Variants in EPHA6 observed in about 807,000 individuals in gnomAD.
EPHA6 encodes the protein EPH receptor A6, also known as ephrin type-A receptor 6.
In EPHA6, 50 loss-of-function variants were observed where a neutral mutation model predicts 112.0. That is an observed-to-expected ratio of 0.45 (90% CI 0.36 to 0.56). EPHA6 has a LOEUF of 0.56. Ranked by LOEUF, EPHA6 falls within the 20% of genes least tolerant of loss-of-function variation. EPHA6 has a pLI of 0.00. For synonymous variants in EPHA6, 529 were observed against 490.7 expected (o/e 1.08, Z -1.03); for missense variants, 1,280 against 1,417.4 (o/e 0.90, Z 1.56).
chr3:96,865,831 G>A (rs187154622), intron 1 of EPHA6, among the ~76,000 whole-genome samples: 33 of 152,012 alleles, frequency 2.2e-4, no homozygotes, highest in African/African-American at 8.0e-4. Flanking sequence ...AGGCCTAGGA[G>A]GTAGTAGTTA....
At chr3:96,943,526 G>A (rs560406500) in intron 2 of EPHA6, among the ~76,000 whole-genome samples, 22 of 152,140 alleles carry the variant, frequency 1.4e-4, no homozygotes, top group Non-Finnish European at 2.9e-4. Context: ...AAATGCACTG[G>A]GGTGATAGCT....
At chr3:97,588,674 G>A (rs545826528) in intron 11 of EPHA6, among the ~76,000 whole-genome samples, 1 of 152,110 alleles carries the variant, frequency 6.6e-6, no homozygotes, top group Admixed American at 6.5e-5. Context: ...CTAAATAATA[G>A]CAATGGTTTA....
chr3:97,591,601 TTTGA>T (rs896630771), intron 11 of EPHA6, among the ~76,000 whole-genome samples: 1 of 152,156 alleles, frequency 6.6e-6, no homozygotes, highest in African/African-American at 2.4e-5. Flanking sequence ...AATTTTTGCC[TTTGA>T]TTGGCCGTAT....
chr3:96,815,100 A>G, intron 1 of EPHA6, 92 bp downstream of exon 1: 1 of 1,291,774 alleles, frequency 7.7e-7, no homozygotes, highest in Non-Finnish European at 1.0e-6. Flanking sequence ...GTAACTTTGT[A>G]CAGGGGTCAG....
intron 11 of EPHA6, among the ~76,000 whole-genome samples, chr3:97,586,552 AAG>A (rs1337818771): frequency 5.3e-5 from 8 of 152,192 alleles, no homozygotes; most frequent in Admixed American, 3.9e-4. Flanking sequence ...CTAAAAAAAA[AAG>A]AGAGAGGCAT....
At chr3:97,078,903 G>A (rs1391484598) in intron 3 of EPHA6, among the ~76,000 whole-genome samples, 1 of 152,114 alleles carries the variant, frequency 6.6e-6, no homozygotes, top group Non-Finnish European at 1.5e-5. Flanking sequence ...AGTTTAGAAT[G>A]TTGCATCAAC....
intron 11 of EPHA6, among the ~76,000 whole-genome samples, chr3:97,538,748 T>C (rs1449248118): frequency 2.6e-5 from 4 of 152,130 alleles, no homozygotes; most frequent in Non-Finnish European, 5.9e-5. Context: ...GAAGCGTCCA[T>C]TGGATAGGGC....
intron 6 of EPHA6, among the ~76,000 whole-genome samples, chr3:97,411,829 T>C (rs1213900856): frequency 1.3e-5 from 2 of 152,074 alleles, no homozygotes; most frequent in Non-Finnish European, 2.9e-5. Context: ...AGTGGACAGT[T>C]GCACGGAAGT....
At chr3:97,468,122 G>T (rs1211237229) in intron 7 of EPHA6, among the ~76,000 whole-genome samples, 1 of 148,144 alleles carries the variant, frequency 6.8e-6, no homozygotes, top group Non-Finnish European at 1.5e-5. Context: ...AGAAGGCACA[G>T]CTATGAAATC....
intron 10 of EPHA6, 45 bp downstream of exon 10, chr3:97,484,104 CT>C (rs2091637643): frequency 6.5e-7 from 1 of 1,546,574 alleles, no homozygotes; most frequent in Admixed American, 2.0e-5. Context: ...TCCTTAATTT[CT>C]TTGTAACTGG....
At chr3:97,568,112 C>T (rs2093291063) in intron 11 of EPHA6, among the ~76,000 whole-genome samples, 1 of 151,960 alleles carries the variant, frequency 6.6e-6, no homozygotes, top group African/African-American at 2.4e-5. Context: ...AAGCCTGGGC[C>T]CTTTGCTAGC....
At chr3:97,092,698 G>A (rs887454868) in intron 3 of EPHA6, among the ~76,000 whole-genome samples, 6 of 152,002 alleles carry the variant, frequency 3.9e-5, no homozygotes, top group African/African-American at 1.2e-4. Flanking sequence ...GATGGAAGAA[G>A]CCATATTATA....
chr3:97,094,877 A>G (rs1042604592), intron 3 of EPHA6, among the ~76,000 whole-genome samples: 2 of 152,112 alleles, frequency 1.3e-5, no homozygotes, highest in African/African-American at 4.8e-5. Context: ...ATGTGATGTA[A>G]CAAAATGTGT....
chr3:96,907,609 AAG>A (rs1027452652), intron 2 of EPHA6, among the ~76,000 whole-genome samples: 6 of 151,820 alleles, frequency 4.0e-5, no homozygotes, highest in Admixed American at 6.6e-5. Context: ...AATATTTAGT[AAG>A]AGATGTCAAT....
chr3:97,276,783 T>C (rs1284398451), intron 5 of EPHA6, among the ~76,000 whole-genome samples: 1 of 152,192 alleles, frequency 6.6e-6, no homozygotes, highest in Non-Finnish European at 1.5e-5. Context: ...GGCTGGGTTT[T>C]TCATATTTGA....
intron 3 of EPHA6, among the ~76,000 whole-genome samples, chr3:97,088,707 G>A (rs536658890): frequency 6.6e-6 from 1 of 152,220 alleles, no homozygotes; most frequent in East Asian, 1.9e-4. Context: ...GTGCCTGCCT[G>A]GGAGAGGACT....
chr3:97,495,616 A>G (rs964154981), intron 10 of EPHA6, among the ~76,000 whole-genome samples: 22 of 151,958 alleles, frequency 1.4e-4, no homozygotes, highest in African/African-American at 4.8e-4. Flanking sequence ...TTCCATCTCA[A>G]TTACATCAGC....
intron 10 of EPHA6, among the ~76,000 whole-genome samples, chr3:97,490,888 A>T (rs964403524): frequency 2.6e-5 from 4 of 152,196 alleles, no homozygotes; most frequent in Admixed American, 2.6e-4. Flanking sequence ...CTGGGCAAGG[A>T]TCCACATCCA....
intron 3 of EPHA6, among the ~76,000 whole-genome samples, chr3:97,094,994 C>T (rs1189635722): frequency 6.6e-6 from 1 of 151,086 alleles, no homozygotes; most frequent in Non-Finnish European, 1.5e-5. Context: ...GTTTTCTTAT[C>T]TTTAAGATGG....
Sources: allele counts gnomAD v4.1 joint callset (sites outside exome capture counted in the v4.1 genomes callset), GRCh38; gene constraint gnomAD v4.1.1; transcripts MANE v1.5; gene names NCBI Gene and HGNC (gene_info 2026-07-23, HGNC 2026-07-21).